LPIN2: variants seen among roughly 807,000 people sequenced by gnomAD.
LPIN2 encodes the protein phosphatidate phosphatase LPIN2.
A neutral mutation model predicts 111.4 loss-of-function variants in LPIN2; 55 were observed. The ratio of observed to expected loss-of-function variants is 0.49; its 90% CI spans 0.40 to 0.62. The LOEUF is 0.62. LPIN2 is among the 20% of genes least tolerant of loss of function. LPIN2 has a pLI of 0.00. For missense variants in LPIN2, 992 were observed against 1,112.1 expected, an observed-to-expected ratio of 0.89 and a Z score of 1.54; for synonymous variants, 425 against 414.0, an observed-to-expected ratio of 1.03 and a Z score of -0.32.
At chr18:3,002,236 C>CAAAAAAAAAAAAA (rs765641037) in intron 1 of LPIN2, among the ~76,000 whole-genome samples, 3 of 82,832 alleles carry the variant, frequency 3.6e-5, no homozygotes, top group African/African-American at 9.4e-5. Context: ...TTCAAAAGAC[C>CAAAAAAAAAAAAA]AAAAAAAAAA....
At chr18:2,932,582 G>A (rs1049741115) in intron 8 of LPIN2, among the ~76,000 whole-genome samples, 1 of 152,210 alleles carries the variant, frequency 6.6e-6, no homozygotes, top group Non-Finnish European at 1.5e-5. Context: ...TGTTATACTG[G>A]GAGTGAGGGG....
In LPIN2 at chr18:2,989,919, CAA is replaced by C. The variant is rs35487621; in HGVS notation, c.-10+23166_-10+23167del. 2.9e-3 allele frequency among the ~76,000 whole-genome samples: 359 copies of C among 124,074 alleles called. 1 individual carries two copies. The highest frequency in any genetic ancestry group is 4.5e-3 in the East Asian group (19 of 4,184). 81.4% of individuals were successfully genotyped at this position (124,074 alleles called of 152,430 possible). A position where few individuals can be genotyped will look rare whatever the true frequency, so the allele number is the denominator to read the frequency against. ...TGGGTGACAGAGTGAGACTCTGTCT[CAA>C]AAAAAAAAAAAAAAATTACAGTAAT... On this transcript the variant is annotated intron_variant, in intron 1 of 19. Transcript: ENST00000677752.
intron 9 of LPIN2, among the ~76,000 whole-genome samples, chr18:2,930,874 A>C (rs73936865): frequency 0.043 from 6,508 of 152,214 alleles, 444 homozygotes; most frequent in African/African-American, 0.15. Context: ...CCCTATATTC[A>C]TGTCTAAGGC....
chr18:2,946,017 G>C, intron 4 of LPIN2: 1 of 1,386,524 alleles, frequency 7.2e-7, no homozygotes, highest in Admixed American at 1.7e-5. Context: ...GATATACACA[G>C]ACTTCTTCTA....
At chr18:3,002,665 T>C (rs1337102255) in intron 1 of LPIN2, among the ~76,000 whole-genome samples, 3 of 152,238 alleles carry the variant, frequency 2.0e-5, no homozygotes, top group Non-Finnish European at 2.9e-5. Flanking sequence ...AAGAAATTTC[T>C]TTCTGGGTCA....
chr18:3,005,176 CCT>C (rs575856770), intron 1 of LPIN2, among the ~76,000 whole-genome samples: 38 of 151,956 alleles, frequency 2.5e-4, no homozygotes, highest in African/African-American at 8.7e-4. Context: ...ATGGTGAAAC[CCT>C]GTCTCTACTA....
chr18:2,920,756 T>G, intron 19 of LPIN2, 22 bp downstream of exon 19: 111 of 1,583,904 alleles, frequency 7.0e-5, no homozygotes, highest in Middle Eastern at 1.7e-4. Context: ...GGCGCCGGGC[T>G]GAGAGCTGAG....
At chr18:2,973,714 T>A (rs2077960929) in intron 1 of LPIN2, among the ~76,000 whole-genome samples, 1 of 152,256 alleles carries the variant, frequency 6.6e-6, no homozygotes, top group Non-Finnish European at 1.5e-5. Flanking sequence ...TTTGGAATAT[T>A]TGCATATACA....
chr18:3,003,997 G>C (rs115496763), intron 1 of LPIN2, among the ~76,000 whole-genome samples: 2 of 151,994 alleles, frequency 1.3e-5, no homozygotes, highest in African/African-American at 4.8e-5. Flanking sequence ...ATTAACGGCC[G>C]CTCTGGGATT....
chr18:2,958,753 C>G (rs1252935044), intron 2 of LPIN2, among the ~76,000 whole-genome samples: 1 of 152,066 alleles, frequency 6.6e-6, no homozygotes, highest in Non-Finnish European at 1.5e-5. Context: ...GATTGTGTAG[C>G]TTTTGCACAG....
chr18:3,004,284 C>T (rs981920750), intron 1 of LPIN2, among the ~76,000 whole-genome samples: 1 of 152,148 alleles, frequency 6.6e-6, no homozygotes, highest in East Asian at 1.9e-4. Context: ...CACCCCCTCC[C>T]CTTTTAAAAT....
intron 4 of LPIN2, chr18:2,946,462 T>C (rs1378838462): frequency 6.8e-6 from 10 of 1,480,296 alleles, no homozygotes; most frequent in South Asian, 5.7e-5. Context: ...CTGGGTGATA[T>C]GTGCAAGCAT....
intron 1 of LPIN2, among the ~76,000 whole-genome samples, chr18:2,992,995 A>AAAG (rs917168729): frequency 0.012 from 1,628 of 132,166 alleles, 40 homozygotes; most frequent in African/African-American, 0.042. Context: ...AAAAAAAAAA[A>AAAG]TTTAAATATT....
In LPIN2 at chr18:2,925,147, A is replaced by T; in HGVS notation, c.1938+77T>A. On this transcript the variant is annotated intron_variant, in intron 14 of 19. Coordinates refer to ENST00000677752, the MANE Select transcript of LPIN2 (RefSeq NM_001375808.2). The surrounding 1 kb of genome is among the most constrained non-coding windows in gnomAD (Gnocchi z 4.1). ...CGTGTATGCAGCTGGGGACGTGTGG[A>T]CAGAAGAGGATGTGCATCAAATTAA... 1 of 1,560,752 alleles carries T rather than the reference A, an allele frequency of 6.4e-7. No homozygotes were observed. The highest frequency in any genetic ancestry group is 8.8e-7 in the Non-Finnish European group (1 of 1,134,242).
At chr18:2,926,976 C>G (rs2077141987) in intron 12 of LPIN2, among the ~76,000 whole-genome samples, 171 bp from the exon 13 acceptor site, 1 of 152,246 alleles carries the variant, frequency 6.6e-6, no homozygotes, top group Non-Finnish European at 1.5e-5. Context: ...AAACCTAAGA[C>G]AGAAGTCATG....
At chr18:2,921,731 A>T in intron 17 of LPIN2, 84 bp from the exon 18 acceptor site, 1 of 942,518 alleles carries the variant, frequency 1.1e-6, no homozygotes, top group Non-Finnish European at 1.7e-6. Context: ...AGTGCTCACA[A>T]CCACCCAATT....
rs1008892039 is a variant in LPIN2, at chr18:2,982,283, T to A, written c.-9-21434A>T. ...AAATTATGACTAGGCCAACAAAAAC[T>A]GTAACACTTTTATATGATTTTTACT... On this transcript the variant is annotated intron_variant, in intron 1 of 19. Transcript: ENST00000677752. Among the ~76,000 whole-genome samples, 3 of 152,280 alleles carry A rather than the reference T, an allele frequency of 2.0e-5. No homozygotes were observed. In the East Asian group the frequency reaches 5.8e-4, roughly 29 times the overall value.
intron 1 of LPIN2, among the ~76,000 whole-genome samples, chr18:2,969,597 G>A (rs188489445): frequency 1.3e-5 from 2 of 152,280 alleles, no homozygotes; most frequent in Admixed American, 6.5e-5. Context: ...GCACACTCTA[G>A]GTCAGTATTT....
At chr18:2,995,933 C>A (rs1184320254) in intron 1 of LPIN2, among the ~76,000 whole-genome samples, 2 of 152,230 alleles carry the variant, frequency 1.3e-5, no homozygotes, top group Non-Finnish European at 2.9e-5. Context: ...CATATTCCTT[C>A]ACAGTCACAT....
Sources: gnomAD v4.1 joint callset for allele counts (sites outside exome capture counted in the v4.1 genomes callset) on GRCh38, gnomAD v4.1.1 for gene constraint, Gnocchi (gnomAD v3.1) non-coding constraint, MANE v1.5 for transcripts, NCBI Gene and HGNC (gene_info 2026-07-23, HGNC 2026-07-21) for gene names.